COL24A1: variants seen among roughly 807,000 people sequenced by gnomAD.
COL24A1 encodes the protein collagen alpha-1(XXIV) chain.
COL24A1 carries 224 observed loss-of-function variants against 253.9 expected under a neutral mutation model. The observed-to-expected ratio is 0.88, with a 90% CI of 0.79 to 0.99. COL24A1 has a LOEUF of 0.99. Among genes scored for constraint, COL24A1 ranks in the 50% least tolerant of loss-of-function variants. The pLI, the probability that COL24A1 is intolerant of heterozygous loss-of-function variation, is 0.00. For missense variants in COL24A1, 2,131 were observed against 2,068.5 expected (o/e 1.03, Z -0.59); for synonymous variants, 685 against 673.7 (o/e 1.02, Z -0.26).
At chr1:85,900,498 G>T (rs1231075117) in intron 28 of COL24A1, among the ~76,000 whole-genome samples, 2 of 152,042 alleles carry the variant, frequency 1.3e-5, no homozygotes, top group African/African-American at 4.8e-5. Context: ...AATTAGCCAG[G>T]CATGGTGGAA....
rs1230061696 is a variant in COL24A1, at chr1:86,141,702, CT to C, written c.121+4416del. 4.1e-3 allele frequency among the ~76,000 whole-genome samples: 586 copies of C among 142,128 alleles called. 2 individuals are homozygous for C. Among genetic ancestry groups the C allele is most frequent in the Admixed American group, 4.9e-3 (70 of 14,222 alleles). The allele number at this position is 142,128 out of a possible 152,430, so 93.2% of individuals were successfully genotyped here. On this transcript the variant is annotated intron_variant, in intron 2 of 59. Transcript: ENST00000370571. The stretch of plus-strand genomic sequence containing the variant: ...TGTTAAGCATATTTTTAGTGTCTTA[CT>C]TTTTTTTTTTTTTTTGAGACAGAGT...
At chr1:86,036,874 T>C (rs1207138822) in intron 12 of COL24A1, among the ~76,000 whole-genome samples, 1 of 152,196 alleles carries the variant, frequency 6.6e-6, no homozygotes, top group African/African-American at 2.4e-5. Flanking sequence ...TAAATCAAAT[T>C]GTGTTTTCCT....
At chr1:85,835,523 G>A (rs910883563) in intron 43 of COL24A1, among the ~76,000 whole-genome samples, 1 of 152,116 alleles carries the variant, frequency 6.6e-6, no homozygotes, top group African/African-American at 2.4e-5. Flanking sequence ...CAGGACCCTT[G>A]ACTTTGGTCA....
intron 37 of COL24A1, among the ~76,000 whole-genome samples, chr1:85,862,373 A>C (rs182581333): frequency 1.6e-4 from 24 of 152,266 alleles, no homozygotes; most frequent in Admixed American, 1.4e-3. Flanking sequence ...TAGAAAATCT[A>C]AGACAATGAA....
At chr1:85,962,453 T>C (rs1691172329) in intron 23 of COL24A1, among the ~76,000 whole-genome samples, 2 of 152,200 alleles carry the variant, frequency 1.3e-5, no homozygotes, top group South Asian at 4.1e-4. Context: ...TACAGAAATA[T>C]TAATATATCT....
rs770713039 is a variant in COL24A1, at chr1:86,031,874, T to C, written c.2049+4A>G. The C allele has an allele frequency of 6.2e-7, 1 of 1,601,244 alleles. No homozygotes were observed. The highest frequency in any genetic ancestry group is 8.5e-7 in the Non-Finnish European group (1 of 1,173,436). ...TAAGAATGATGATATTTAGTGATAC[T>C]CACTCTAAGCCCAGGAAACCCCGGA... On this transcript the variant is annotated splice_donor_region_variant and intron_variant, in intron 14 of 59. Transcript: ENST00000370571.
intron 53 of COL24A1, among the ~76,000 whole-genome samples, chr1:85,770,685 C>T (rs1018739371): frequency 4.6e-5 from 7 of 152,124 alleles, no homozygotes. Flanking sequence ...AAAAAATAAG[C>T]TTAGCATGAT....
In COL24A1 at chr1:85,737,422, A is replaced by T; in HGVS notation, c.4756T>A (p.Cys1586Ser). The T allele has an allele frequency of 6.2e-7, 1 of 1,612,608 alleles. No individual in the cohort carries two copies. Among genetic ancestry groups the T allele is most frequent in the Non-Finnish European group, 8.5e-7 (1 of 1,179,022 alleles). Residue 1586 changes from cysteine to serine, a missense_variant, in exon 58 of 60, where the codon TGC (cysteine) becomes AGC (serine). Coordinates refer to ENST00000370571, the MANE Select transcript of COL24A1 (RefSeq NM_152890.7). ...TTTGTTACAGAAACAGGAGGTAAGCATGTCTGGCCACCAGCACTGAAATTG... is the reference window on the plus strand; with the variant it reads ...TTTGTTACAGAAACAGGAGGTAAGCTTGTCTGGCCACCAGCACTGAAATTG... The part of the protein sequence containing the change: ...FCNFSAGGQT[C>S]LPPVSVTKLE...
rs556612739 is a variant in COL24A1, at chr1:86,117,192, G to A, written c.1492-1814C>T. Among the ~76,000 whole-genome samples, 5 of 152,312 alleles carry A rather than the reference G, an allele frequency of 3.3e-5. No individual in the cohort carries two copies. The South Asian group carries it at 1.0e-3, about 32-fold the overall frequency. On this transcript the variant is annotated intron_variant, in intron 3 of 59. Transcript: ENST00000370571. ...CACATTGGAAAGGCAGTTTGCTATG[G>A]CTTGCGTTTGTGTCCTCCCAAAATT...
chr1:86,134,655 G>A (rs1420778992), intron 2 of COL24A1, among the ~76,000 whole-genome samples: 4 of 147,452 alleles, frequency 2.7e-5, no homozygotes, highest in East Asian at 2.0e-4. Flanking sequence ...GTAGTCGTGC[G>A]GTTTTCAGTG....
At chr1:86,108,615 T>C in intron 5 of COL24A1, among the ~76,000 whole-genome samples, 2 of 48,158 alleles carry the variant, frequency 4.2e-5, no homozygotes, top group South Asian at 1.3e-3. Context: ...AAACCCCATC[T>C]CTACTAAAAA....
At chr1:85,754,550 T>TAAAAAAAAAAAAAAAAAAAATA (rs34069021) in intron 55 of COL24A1, among the ~76,000 whole-genome samples, 1 of 110,990 alleles carries the variant, frequency 9.0e-6, no homozygotes, top group Non-Finnish European at 1.8e-5. Flanking sequence ...AAAAAAAAAT[T>TAAAAAAAAAAAAAAAAAAAATA]AAAAAAAAAA....
chr1:86,050,487 G>A (rs1042561996), intron 10 of COL24A1, among the ~76,000 whole-genome samples: 7 of 152,062 alleles, frequency 4.6e-5, no homozygotes, highest in Admixed American at 1.3e-4. Flanking sequence ...AGACAGAATG[G>A]AGGTATCAAA....
chr1:85,825,527 T>G (rs543583347), intron 43 of COL24A1, among the ~76,000 whole-genome samples: 22 of 152,212 alleles, frequency 1.4e-4, no homozygotes, highest in Non-Finnish European at 2.5e-4. Context: ...TGAACTAGTT[T>G]ACAGTCCCAC....
In COL24A1 at chr1:85,744,836, T is replaced by G. The variant is rs2100936253; in HGVS notation, c.4504-2A>C. 1 of 1,605,354 alleles carries G rather than the reference T, an allele frequency of 6.2e-7. No individual in the cohort carries two copies. Among genetic ancestry groups the G allele is most frequent in the South Asian group, 1.1e-5 (1 of 89,306 alleles). On this transcript the variant is annotated splice_acceptor_variant, in intron 56 of 59. Transcript: ENST00000370571. LOFTEE classifies it high-confidence loss of function. ...AGTCACTTCAGTATTCTGGTAGCTC[T>G]GCCAAGTCATCATAAGAATTATATA...
chr1:85,820,986 CT>C (rs1673571204), intron 45 of COL24A1, among the ~76,000 whole-genome samples: 1 of 152,186 alleles, frequency 6.6e-6, no homozygotes, highest in African/African-American at 2.4e-5. Flanking sequence ...TTCTAACACT[CT>C]TTAAGAAGGC....
chr1:85,989,844 C>T (rs970751741), intron 19 of COL24A1, among the ~76,000 whole-genome samples: 1 of 152,184 alleles, frequency 6.6e-6, no homozygotes, highest in Non-Finnish European at 1.5e-5. Context: ...AACTAGACGA[C>T]TGAATAACAT....
intron 47 of COL24A1, among the ~76,000 whole-genome samples, chr1:85,805,099 C>T (rs1406975163): frequency 6.6e-6 from 1 of 152,058 alleles, no homozygotes; most frequent in Non-Finnish European, 1.5e-5. Flanking sequence ...CCTTGGTCTC[C>T]CAAAGAGCTG....
intron 47 of COL24A1, among the ~76,000 whole-genome samples, chr1:85,788,593 C>T (rs1286061237): frequency 6.6e-6 from 1 of 152,088 alleles, no homozygotes; most frequent in Non-Finnish European, 1.5e-5. Context: ...TCAATTTTTG[C>T]TTTTGTTGCA....
Sources: allele counts gnomAD v4.1 joint callset (sites outside exome capture counted in the v4.1 genomes callset), GRCh38; gene constraint gnomAD v4.1.1; transcripts MANE v1.5; gene names NCBI Gene and HGNC (gene_info 2026-07-23, HGNC 2026-07-21).